Variants in NELL1 observed in about 807,000 individuals in gnomAD.
The protein encoded by NELL1 is neural EGFL like 1, also known as protein kinase C-binding protein NELL1.
A neutral mutation model predicts 107.4 loss-of-function variants in NELL1; 76 were observed. That is an observed-to-expected ratio of 0.71 (90% CI 0.59 to 0.86). The LOEUF is 0.86. Ranked by LOEUF, NELL1 falls within the 40% of genes least tolerant of loss-of-function variation. The pLI is 0.00. For synonymous variants in NELL1, 353 were observed against 341.2 expected, an observed-to-expected ratio of 1.03 and a Z score of -0.38; for missense variants, 1,024 against 1,005.5, an observed-to-expected ratio of 1.02 and a Z score of -0.25.
chr11:21,382,404 C>T (rs890881933), intron 15 of NELL1, among the ~76,000 whole-genome samples: 6 of 151,840 alleles, frequency 4.0e-5, no homozygotes, highest in African/African-American at 1.4e-4. Context: ...ATTTTTATAT[C>T]TTGTTACATT....
intron 5 of NELL1, among the ~76,000 whole-genome samples, chr11:20,907,110 A>G (rs1028903616): frequency 6.6e-6 from 1 of 151,978 alleles, no homozygotes; most frequent in African/African-American, 2.4e-5. Flanking sequence ...CCACATATAA[A>G]AATGATCTCA....
intron 7 of NELL1, chr11:20,927,015 G>A (rs1039269715): frequency 2.7e-5 from 8 of 298,476 alleles, no homozygotes; most frequent in South Asian, 2.0e-4. Flanking sequence ...TTTTGTGTGG[G>A]CTTGAATGGA....
intron 12 of NELL1, among the ~76,000 whole-genome samples, chr11:21,028,291 G>T (rs1451797847): frequency 6.6e-6 from 1 of 152,094 alleles, no homozygotes; most frequent in African/African-American, 2.4e-5. Context: ...CATGCAGCCA[G>T]GATTGAGAAC....
chr11:20,965,620 T>TG (rs1851373110), intron 12 of NELL1, among the ~76,000 whole-genome samples: 1 of 152,190 alleles, frequency 6.6e-6, no homozygotes, highest in Non-Finnish European at 1.5e-5. Context: ...GGAAATATTT[T>TG]GGAAAAAAAT....
At chr11:21,125,644 C>G (rs4923352) in intron 13 of NELL1, among the ~76,000 whole-genome samples, 35,899 of 152,006 alleles carry the variant, frequency 0.24, 4,407 homozygotes, top group South Asian at 0.34. Flanking sequence ...AGCATTGGTA[C>G]TGGGAGAAAG....
At chr11:21,430,109 G>A (rs1852929739) in intron 15 of NELL1, among the ~76,000 whole-genome samples, 2 of 152,120 alleles carry the variant, frequency 1.3e-5, no homozygotes, top group South Asian at 4.1e-4. Context: ...GAATCCATAA[G>A]CAAGTACATG....
At chr11:20,928,774 A>G (rs1850555789) in intron 9 of NELL1, among the ~76,000 whole-genome samples, 1 of 152,126 alleles carries the variant, frequency 6.6e-6, no homozygotes, top group South Asian at 2.1e-4. Context: ...TTGTCCAACA[A>G]GTGGGTGAGG....
At chr11:20,818,753 A>C (rs917578166) in intron 3 of NELL1, among the ~76,000 whole-genome samples, 1 of 152,166 alleles carries the variant, frequency 6.6e-6, no homozygotes, top group Non-Finnish European at 1.5e-5. Context: ...CTGGGCATGT[A>C]AGCCGCCCTT....
intron 15 of NELL1, among the ~76,000 whole-genome samples, chr11:21,371,475 G>C (rs540624231): frequency 6.6e-6 from 1 of 152,202 alleles, no homozygotes; most frequent in East Asian, 1.9e-4. Context: ...GCGTAAGTAA[G>C]ATTACATTAT....
rs1554905723 is a variant in NELL1 at position 21,404,016 on chromosome 11, C to CCG, written c.1645+33068_1645+33069insCG. ...TCTGTCATTCCTGAACCCCCCCCCC[C>CCG]GCAATCAAAACCACTGGATATTCCC... On this transcript the variant is annotated intron_variant, in intron 15 of 19. Transcript: ENST00000357134. Among the ~76,000 whole-genome samples the CCG allele has an allele frequency of 5.2e-5, 6 of 116,260 alleles. 1 individual carries two copies. Among genetic ancestry groups the CCG allele is most frequent in the East Asian group, 3.2e-4 (1 of 3,118 alleles). 76.3% of individuals were successfully genotyped at this position (116,260 alleles called of 152,430 possible).
At chr11:21,389,248 G>T (rs1201741836) in intron 15 of NELL1, among the ~76,000 whole-genome samples, 1 of 151,760 alleles carries the variant, frequency 6.6e-6, no homozygotes, top group Non-Finnish European at 1.5e-5. Context: ...TCACACAGCT[G>T]TTTGTTAGGT....
intron 15 of NELL1, among the ~76,000 whole-genome samples, chr11:21,381,410 T>A (rs1324324693): frequency 6.6e-6 from 1 of 151,970 alleles, no homozygotes; most frequent in Non-Finnish European, 1.5e-5. Flanking sequence ...TTTCTAAGTG[T>A]CGGTTTGCCA....
intron 3 of NELL1, among the ~76,000 whole-genome samples, chr11:20,816,957 G>A (rs1324681102): frequency 6.6e-6 from 1 of 152,082 alleles, no homozygotes; most frequent in Non-Finnish European, 1.5e-5. Context: ...TGATTTGCAT[G>A]CATTGAAACA....
intron 12 of NELL1, among the ~76,000 whole-genome samples, chr11:21,073,572 C>G (rs1854066321): frequency 6.6e-6 from 1 of 152,082 alleles, no homozygotes; most frequent in Admixed American, 6.6e-5. Flanking sequence ...TGCTTAAAGC[C>G]CATGTATGGC....
chr11:20,833,968 G>C lies in NELL1; in HGVS notation c.336-13615G>C, dbSNP rs565803336. Among the ~76,000 whole-genome samples the C allele has an allele frequency of 4.6e-5, 7 of 152,318 alleles. No homozygotes were observed. The East Asian group carries it at 1.3e-3, about 29-fold the overall frequency. On this transcript the variant is annotated intron_variant, in intron 3 of 19. Transcript: ENST00000357134. ...GCGCATGCCTAAGACTTCTAGGCTT[G>C]AGCTCAATAGTAATAAGAAGACACT...
chr11:20,963,353 A>G (rs1037058154), intron 12 of NELL1, among the ~76,000 whole-genome samples: 2 of 152,014 alleles, frequency 1.3e-5, no homozygotes, highest in African/African-American at 4.8e-5. Flanking sequence ...CCACACACAC[A>G]CTTCTAGACC....
At chr11:21,455,059 G>C (rs1261484610) in intron 15 of NELL1, among the ~76,000 whole-genome samples, 1 of 152,132 alleles carries the variant, frequency 6.6e-6, no homozygotes, top group African/African-American at 2.4e-5. Context: ...TAAACTTTCA[G>C]TGTTCTTTAA....
Position 21,135,208 on chromosome 11 carries a change from A to G in NELL1, c.1426+21494A>G, listed in dbSNP as rs1403453458. 2.6e-5 allele frequency among the ~76,000 whole-genome samples: 4 copies of G among 152,208 alleles called. No homozygotes were observed. The East Asian group carries it at 7.7e-4, about 29-fold the overall frequency. On this transcript the variant is annotated intron_variant, in intron 13 of 19. Transcript: ENST00000357134. ...TGGGAACATGTAGATCATAAGAGCA[A>G]TCTATTTATAGCTTTTATGACAGCA...
At chr11:21,214,396 A>G (rs148090317) in intron 13 of NELL1, among the ~76,000 whole-genome samples, 159 of 152,330 alleles carry the variant, frequency 1.0e-3, no homozygotes, top group African/African-American at 3.6e-3. Context: ...AAAGACATGA[A>G]CAAATATTTT....
Sources: gnomAD v4.1 joint callset for allele counts (sites outside exome capture counted in the v4.1 genomes callset) on GRCh38, gnomAD v4.1.1 for gene constraint, MANE v1.5 for transcripts, NCBI Gene and HGNC (gene_info 2026-07-23, HGNC 2026-07-21) for gene names.